The following UMAD1 variants were observed in gnomAD, a reference collection of about 807,000 sequenced individuals.
UMAD1 encodes UBAP1-MVB12-associated (UMA)-domain containing protein 1.
Under a neutral mutation model 6.1 loss-of-function variants are expected in UMAD1, and 8 were observed. The observed-to-expected ratio is 1.30, with a 90% CI of 0.76 to 2.35. The LOEUF (loss-of-function observed/expected upper bound fraction) is 2.35. Among genes scored for constraint, UMAD1 ranks in the 30% most tolerant of loss-of-function variants. The pLI is 0.00. For synonymous variants in UMAD1, 56 were observed against 31.4 expected, an observed-to-expected ratio of 1.78 and a Z score of -2.61; for missense variants, 130 against 78.4, an observed-to-expected ratio of 1.66 and a Z score of -2.49.
chr7:7,685,497 A>G (rs1325504020), intron 2 of UMAD1, among the ~76,000 whole-genome samples: 1 of 151,914 alleles, frequency 6.6e-6, no homozygotes, highest in Non-Finnish European at 1.5e-5. Flanking sequence ...TTAGTAGAGA[A>G]GGAGTTTCAC....
intron 2 of UMAD1, among the ~76,000 whole-genome samples, chr7:7,788,410 A>G (rs114812624): frequency 1.3e-5 from 2 of 152,120 alleles, no homozygotes; most frequent in African/African-American, 4.8e-5. Context: ...TTCTCATACT[A>G]TTTATTCTCA....
intron 1 of UMAD1, among the ~76,000 whole-genome samples, chr7:7,652,636 C>T (rs1293948817): frequency 6.6e-6 from 1 of 152,126 alleles, no homozygotes; most frequent in East Asian, 1.9e-4. Context: ...TGGTTAATTC[C>T]GTGAATTTGG....
chr7:7,685,036 G>A (rs1214200482), intron 2 of UMAD1, among the ~76,000 whole-genome samples: 1 of 152,116 alleles, frequency 6.6e-6, no homozygotes, highest in Non-Finnish European at 1.5e-5. Context: ...ATTATGATGA[G>A]TGGCTTTCAT....
rs112154775 is a variant in UMAD1 at position 7,814,628 on chromosome 7, A to T, written c.156+12885A>T. 6.0e-3 allele frequency among the ~76,000 whole-genome samples: 896 copies of T among 148,378 alleles called. 7 individuals are homozygous for T. The highest frequency in any genetic ancestry group is 0.021 in the African/African-American group (852 of 40,504). ...TATATTTATGTAATACTTCTACAAA[A>T]TATATTTATATTTAGAGTGTACTTT... On this transcript the variant is annotated intron_variant, in intron 3 of 3. Coordinates refer to ENST00000682710, the MANE Select transcript of UMAD1 (RefSeq NM_001302348.2).
intron 2 of UMAD1, among the ~76,000 whole-genome samples, chr7:7,721,912 C>CT (rs997202829): frequency 6.6e-6 from 1 of 152,114 alleles, no homozygotes; most frequent in African/African-American, 2.4e-5. Flanking sequence ...TGGGCACTAT[C>CT]TAATCAGCTG....
intron 3 of UMAD1, among the ~76,000 whole-genome samples, chr7:7,807,606 T>C (rs1782943226): frequency 6.6e-6 from 1 of 152,138 alleles, no homozygotes. Context: ...CTAGATGGAA[T>C]AGAATTTAAA....
chr7:7,827,143 A>ATGTG (rs1360833680), intron 3 of UMAD1, among the ~76,000 whole-genome samples: 51 of 135,210 alleles, frequency 3.8e-4, no homozygotes, highest in East Asian at 2.5e-3. Flanking sequence ...ATATATATAT[A>ATGTG]TATATGTGTG....
At chr7:7,703,847 TAGG>T (rs1301557929) in intron 2 of UMAD1, among the ~76,000 whole-genome samples, 1 of 151,628 alleles carries the variant, frequency 6.6e-6, no homozygotes, top group Non-Finnish European at 1.5e-5. Flanking sequence ...GAGGCTGAGG[TAGG>T]AGGATTGCTT....
chr7:7,719,163 A>G (rs1235361226), intron 2 of UMAD1, among the ~76,000 whole-genome samples: 1 of 152,202 alleles, frequency 6.6e-6, no homozygotes, highest in African/African-American at 2.4e-5. Context: ...CTTTAGGGTG[A>G]ATTCAGAAGA....
chr7:7,826,361 G>A (rs1039809444), intron 3 of UMAD1, among the ~76,000 whole-genome samples: 8 of 152,020 alleles, frequency 5.3e-5, no homozygotes, highest in African/African-American at 9.6e-5. Flanking sequence ...TCATTATTTC[G>A]ATTCTCTAGT....
intron 2 of UMAD1, chr7:7,742,432 C>T: frequency 1.8e-6 from 1 of 562,474 alleles, no homozygotes. Flanking sequence ...ACGGGCAGAT[C>T]TTTCTTTTTT....
chr7:7,727,711 G>A (rs1362873151), intron 2 of UMAD1, among the ~76,000 whole-genome samples: 1 of 152,170 alleles, frequency 6.6e-6, no homozygotes, highest in Non-Finnish European at 1.5e-5. Flanking sequence ...AGGCTAGACA[G>A]GCTTAGCCTC....
chr7:7,666,501 C>A (rs1779460764), intron 1 of UMAD1, among the ~76,000 whole-genome samples: 1 of 152,026 alleles, frequency 6.6e-6, no homozygotes, highest in Admixed American at 6.6e-5. Context: ...AGCCCCTGTA[C>A]CTGACCGGGG....
At chr7:7,678,186 C>G (rs1453412473) in intron 2 of UMAD1, among the ~76,000 whole-genome samples, 1 of 151,824 alleles carries the variant, frequency 6.6e-6, no homozygotes, top group Non-Finnish European at 1.5e-5. Context: ...ACTGGCTGTA[C>G]TAATTTACAT....
intron 2 of UMAD1, among the ~76,000 whole-genome samples, chr7:7,707,111 C>T (rs1429780347): frequency 2.0e-5 from 3 of 152,068 alleles, no homozygotes; most frequent in Non-Finnish European, 4.4e-5. Flanking sequence ...TACTACCATT[C>T]CCTGGTTGGT....
At chr7:7,745,483 GT>G (rs1781554748) in intron 2 of UMAD1, among the ~76,000 whole-genome samples, 1 of 152,128 alleles carries the variant, frequency 6.6e-6, no homozygotes, top group South Asian at 2.1e-4. Context: ...CCTTGGCTCT[GT>G]GCTGTAGAAT....
Position 7,804,998 on chromosome 7 carries a change from C to G in UMAD1, c.156+3255C>G, listed in dbSNP as rs796404545. Among the ~76,000 whole-genome samples the G allele has an allele frequency of 5.8e-3, 752 of 130,724 alleles. 21 individuals are homozygous for G. In the East Asian group the frequency reaches 0.097, roughly 17 times the overall value. 85.8% of individuals were successfully genotyped at this position (130,724 alleles called of 152,430 possible). A position where few individuals can be genotyped will look rare whatever the true frequency, so the allele number is the denominator to read the frequency against. On this transcript the variant is annotated intron_variant, in intron 3 of 3. Transcript: ENST00000682710. ...TCCTTCTCAAGAAAACAAAACAAAA[C>G]AAAACAAAACAAAACAAAAGTGAAA... is the stretch of plus-strand genomic sequence containing the variant.
chr7:7,723,095 A>G (rs1441302554), intron 2 of UMAD1, among the ~76,000 whole-genome samples: 1 of 152,192 alleles, frequency 6.6e-6, no homozygotes, highest in African/African-American at 2.4e-5. Context: ...GCCACTGCCA[A>G]CATCCCTGTT....
chr7:7,719,656 G>C (rs1468761), intron 2 of UMAD1, among the ~76,000 whole-genome samples: 12,224 of 151,726 alleles, frequency 0.081, 520 homozygotes, highest in Middle Eastern at 0.13. Context: ...TTTTTTTCAC[G>C]TTAGTGACTA....
Sources: gnomAD v4.1 joint callset for allele counts (sites outside exome capture counted in the v4.1 genomes callset) on GRCh38, gnomAD v4.1.1 for gene constraint, MANE v1.5 for transcripts, NCBI Gene and HGNC (gene_info 2026-07-23, HGNC 2026-07-21) for gene names.